COL4A6: variants seen among roughly 807,000 people sequenced by gnomAD.
COL4A6 encodes the protein collagen alpha-6(IV) chain.
Under a neutral mutation model 126.7 loss-of-function variants are expected in COL4A6, and 59 were observed. The ratio of observed to expected loss-of-function variants is 0.47; its 90% confidence interval spans 0.38 to 0.58. The LOEUF is 0.58. Among genes scored for constraint, COL4A6 ranks in the 20% least tolerant of loss-of-function variants. The pLI is 0.00. For synonymous variants in COL4A6, 547 were observed against 496.6 expected, an observed-to-expected ratio of 1.10 and a Z score of -1.35; for missense variants, 1,285 against 1,337.3, an observed-to-expected ratio of 0.96 and a Z score of 0.61.
chrX:108,231,116 C>CATACATAT (rs1314979415), intron 3 of COL4A6, among the ~76,000 whole-genome samples: 27 of 111,463 alleles, frequency 2.4e-4, no homozygotes, highest in African/African-American at 6.2e-4. Context: ...TACATACATA[C>CATACATAT]ATACATAGTG....
chrX:108,389,933 A>T lies in COL4A6; in HGVS notation c.63+48009T>A, dbSNP rs770887756. Among the ~76,000 whole-genome samples the T allele has an allele frequency of 9.0e-5, 10 of 111,487 alleles. No individual in the cohort carries two copies. The East Asian group carries it at 2.8e-3, about 31-fold the overall frequency. ...TTGTAAGGCAGGCCCGGTGGTGACA[A>T]AATCTCTCAGCATTTGCTTGTCTGT... is the stretch of plus-strand genomic sequence containing the variant. On this transcript the variant is annotated intron_variant, in intron 2 of 44. Transcript: ENST00000334504.
intron 2 of COL4A6, among the ~76,000 whole-genome samples, chrX:108,406,420 A>G (rs1333893520): frequency 1.8e-5 from 2 of 112,428 alleles, no homozygotes; most frequent in Admixed American, 9.4e-5. Flanking sequence ...AGAATCTTCT[A>G]GTAGATCACT....
At chrX:108,393,028 T>G (rs1346980480) in intron 2 of COL4A6, among the ~76,000 whole-genome samples, 1 of 112,052 alleles carries the variant, frequency 8.9e-6, no homozygotes, top group Non-Finnish European at 1.9e-5. Flanking sequence ...CTTAGTATAT[T>G]GCTGATGGGA....
intron 3 of COL4A6, among the ~76,000 whole-genome samples, chrX:108,229,783 ACAC>A (rs1179154017): frequency 9.0e-6 from 1 of 111,714 alleles, no homozygotes; most frequent in Non-Finnish European, 1.9e-5. Flanking sequence ...TCATTATGAC[ACAC>A]CACAAGAGGA....
chrX:108,387,093 A>T (rs2040717403), intron 2 of COL4A6, among the ~76,000 whole-genome samples: 1 of 111,952 alleles, frequency 8.9e-6, no homozygotes, highest in African/African-American at 3.3e-5. Flanking sequence ...TGGTACCATT[A>T]CCATGCTGTT....
Position 108,172,459 on chromosome X carries a change from T to C in COL4A6, c.3202+10A>G, listed in dbSNP as rs1164022434. The C allele has an allele frequency of 1.8e-6, 2 of 1,142,349 alleles. No individual in the cohort carries two copies. Among genetic ancestry groups the C allele is most frequent in the African/African-American group, 4.0e-5 (2 of 49,497 alleles). The allele number at this position is 1,142,349 out of a possible 1,213,427, so 94.1% of individuals were successfully genotyped here. A position where few individuals can be genotyped will look rare whatever the true frequency, so the allele number is the denominator to read the frequency against. ...AGAAAACATTAAAAGAAAAAAAAAA[T>C]GCTCCTTACCTTTCAGGCCTGGGAG... On this transcript the variant is annotated intron_variant, in intron 32 of 44. Transcript: ENST00000334504.
At chrX:108,383,926 A>C in intron 2 of COL4A6, 1 of 741,432 alleles carries the variant, frequency 1.3e-6, no homozygotes, top group Non-Finnish European at 2.0e-6. Flanking sequence ...CCATGTGATA[A>C]ATCTATTCTG....
At chrX:108,377,759 C>T (rs1240592418) in intron 2 of COL4A6, among the ~76,000 whole-genome samples, 1 of 106,750 alleles carries the variant, frequency 9.4e-6, no homozygotes, top group Non-Finnish European at 1.9e-5. Flanking sequence ...GAAACCCCGT[C>T]TCTACTAAAA....
intron 2 of COL4A6, among the ~76,000 whole-genome samples, chrX:108,321,120 C>T (rs74397773): frequency 9.0e-6 from 1 of 111,657 alleles, no homozygotes; most frequent in East Asian, 2.8e-4. Context: ...ATTGAGAATA[C>T]GCTCAATCTA....
intron 29 of COL4A6, 49 bp downstream of exon 29, chrX:108,175,605 A>G: frequency 8.8e-7 from 1 of 1,142,418 alleles, no homozygotes; most frequent in Non-Finnish European, 1.2e-6. Context: ...CAAAATATAT[A>G]TATTGAAAAG....
chrX:108,197,195 G>A (rs2035246494), intron 13 of COL4A6, among the ~76,000 whole-genome samples: 1 of 112,023 alleles, frequency 8.9e-6, no homozygotes, highest in African/African-American at 3.2e-5. Context: ...TGGCCCTAGA[G>A]ATAGTCCAAA....
intron 41 of COL4A6, among the ~76,000 whole-genome samples, chrX:108,162,679 G>C (rs769338064): frequency 9.0e-6 from 1 of 111,373 alleles, no homozygotes; most frequent in South Asian, 3.9e-4. Context: ...ACCTTGCTCT[G>C]CCCTCACATC....
At position 108,170,652 on chromosome X, in the gene COL4A6, C is replaced by T. The variant is rs751769630; in HGVS notation, c.3450G>A (p.Gly1150=). Residue 1150 remains glycine (G), a synonymous_variant, in exon 35 of 45, where the codon GGG becomes GGA. Transcript: ENST00000334504. ...PGLPGSSGHQ[G]AIGPLGSPGL... is the part of the protein sequence containing the mutation. ...CGGGGGATCCTAGAGGCCCAATTGC[C>T]CCTTGGTGACCAGAAGAACCTGGAA... is the stretch of plus-strand genomic sequence containing the variant. The T allele has an allele frequency of 8.3e-7, 1 of 1,204,178 alleles. No individual in the cohort carries two copies. The highest frequency in any genetic ancestry group is 2.3e-5 in the Admixed American group (1 of 43,870).
At chrX:108,401,259 GAA>G in intron 2 of COL4A6, among the ~76,000 whole-genome samples, 1 of 110,609 alleles carries the variant, frequency 9.0e-6, no homozygotes, top group African/African-American at 3.3e-5. Flanking sequence ...GTTCCCTAAG[GAA>G]AATAAGTAAG....
In COL4A6 at chrX:108,159,514, G is replaced by A. The variant is rs371347527; in HGVS notation, c.4760C>T (p.Pro1587Leu). The change falls in exon 44 of 45, where the codon CCG (proline) becomes CTG (leucine). Residue 1587 changes from proline (P) to leucine (L), a missense_variant. Pro to Leu is a moderately conservative substitution (Grantham distance 98). Transcript: ENST00000334504. ...IAVHSQDITI[P>L]QCPLGWRSLW... ...GCTGCGCCAGCCCAGGGGGCACTGC[G>A]GGATGGTGATGTCCTGGCTGTGCAC... 7 of 1,211,029 alleles carry A rather than the reference G, an allele frequency of 5.8e-6. No individual in the cohort carries two copies. Among genetic ancestry groups the A allele is most frequent in the East Asian group, 5.9e-5 (2 of 33,796 alleles).
intron 2 of COL4A6, among the ~76,000 whole-genome samples, chrX:108,341,820 G>T (rs1260711477): frequency 9.0e-6 from 1 of 111,572 alleles, no homozygotes. Flanking sequence ...CCAGAGGACC[G>T]ATAAATGCAC....
intron 43 of COL4A6, 108 bp downstream of exon 43, chrX:108,160,355 A>G: frequency 1.3e-6 from 1 of 779,697 alleles, no homozygotes. Flanking sequence ...GATGCTTGTA[A>G]CTCACTACAC....
chrX:108,395,178 A>C (rs1050394385), intron 2 of COL4A6, among the ~76,000 whole-genome samples: 1 of 111,649 alleles, frequency 9.0e-6, no homozygotes, highest in African/African-American at 3.3e-5. Flanking sequence ...CTACTGAAAG[A>C]TCAAGGGCAA....
intron 3 of COL4A6, among the ~76,000 whole-genome samples, chrX:108,234,681 G>A (rs1480318618): frequency 2.7e-5 from 3 of 111,856 alleles, no homozygotes; most frequent in Admixed American, 9.5e-5. Context: ...ATACCATAAG[G>A]CATAGAAAGG....
Sources: allele counts gnomAD v4.1 joint callset (sites outside exome capture counted in the v4.1 genomes callset), GRCh38; gene constraint gnomAD v4.1.1; transcripts MANE v1.5; gene names NCBI Gene and HGNC (gene_info 2026-07-23, HGNC 2026-07-21).